Variants in LARGE1 observed in about 807,000 individuals in gnomAD.
LARGE1 encodes LARGE xylosyl- and glucuronyltransferase 1.
A neutral mutation model predicts 87.6 loss-of-function variants in LARGE1; 43 were observed. The ratio of observed to expected loss-of-function variants is 0.49; its 90% CI spans 0.38 to 0.63. LARGE1 has a LOEUF of 0.63. Among genes scored for constraint, LARGE1 ranks in the 30% least tolerant of loss-of-function variants. The probability of loss-of-function intolerance (pLI) is 0.00; values close to 1 mark genes in which losing one functional copy is unlikely to be tolerated. For synonymous variants in LARGE1, 434 were observed against 394.6 expected, an observed-to-expected ratio of 1.10 and a Z score of -1.18; for missense variants, 802 against 1,000.2, an observed-to-expected ratio of 0.80 and a Z score of 2.67.
intron 1 of LARGE1, among the ~76,000 whole-genome samples, chr22:33,792,836 C>T (rs1432321046): frequency 6.6e-6 from 1 of 152,206 alleles, no homozygotes; most frequent in Non-Finnish European, 1.5e-5. Flanking sequence ...AGAAAACAGA[C>T]CCCTTTCTCA....
intron 1 of LARGE1, among the ~76,000 whole-genome samples, chr22:33,841,049 T>A (rs115018251): frequency 6.6e-6 from 1 of 152,348 alleles, no homozygotes; most frequent in African/African-American, 2.4e-5. Context: ...TTAGGTTGCA[T>A]GATTTTGCCC....
exon 12 of LARGE1, chr22:33,166,462 T>C (rs897570160): frequency 3.3e-6 from 1 of 303,738 alleles, no homozygotes; most frequent in Non-Finnish European, 6.5e-6. Flanking sequence ...CACCTACCAC[T>C]TCAATCTTAC....
the LARGE1 span, among the ~76,000 whole-genome samples, chr22:33,138,158 C>T: frequency 2.0e-5 from 3 of 152,152 alleles, no homozygotes; most frequent in Non-Finnish European, 4.4e-5. Flanking sequence ...TGACCAAGAC[C>T]GTGGGAATCT....
intron 6 of LARGE1, among the ~76,000 whole-genome samples, chr22:33,527,133 C>G (rs564407108): frequency 6.6e-6 from 1 of 152,244 alleles, no homozygotes; most frequent in East Asian, 1.9e-4. Context: ...GCGCATGCCT[C>G]TAATCCCAGC....
chr22:33,179,236 T>TG (rs1923037541), intron 11 of LARGE1, among the ~76,000 whole-genome samples: 1 of 152,202 alleles, frequency 6.6e-6, no homozygotes, highest in African/African-American at 2.4e-5. Flanking sequence ...CATGCAGCTA[T>TG]GGGGGCAAAA....
intron 3 of LARGE1, among the ~76,000 whole-genome samples, chr22:33,639,445 A>G (rs1326656020): frequency 6.6e-6 from 1 of 152,236 alleles, no homozygotes; most frequent in Non-Finnish European, 1.5e-5. Flanking sequence ...TTTTTCAGGT[A>G]CCAGTGGAGA....
chr22:33,905,017 GAGAC>G (rs982670521), intron 1 of LARGE1, among the ~76,000 whole-genome samples: 189 of 148,530 alleles, frequency 1.3e-3, no homozygotes, highest in African/African-American at 4.5e-3. Context: ...TTCAGTATCT[GAGAC>G]AGAATAGTAC....
chr22:33,533,288 T>C (rs367788861), intron 6 of LARGE1, among the ~76,000 whole-genome samples: 2 of 152,206 alleles, frequency 1.3e-5, no homozygotes, highest in Admixed American at 1.3e-4. Flanking sequence ...GACAATTTTA[T>C]TAACGTCGTC....
intron 1 of LARGE1, among the ~76,000 whole-genome samples, chr22:33,904,746 T>G (rs35122921): frequency 0.26 from 39,836 of 151,900 alleles, 5,938 homozygotes; most frequent in East Asian, 0.46. Context: ...CTATAATTTG[T>G]ACCTGAAACA....
chr22:33,864,493 C>A (rs958973448), intron 1 of LARGE1, among the ~76,000 whole-genome samples: 1 of 152,154 alleles, frequency 6.6e-6, no homozygotes, highest in Admixed American at 6.6e-5. Context: ...TGGAGAGCGC[C>A]TAAGTCTTCT....
intron 9 of LARGE1, among the ~76,000 whole-genome samples, chr22:33,345,229 G>A (rs555459241): frequency 2.6e-5 from 4 of 152,264 alleles, no homozygotes; most frequent in South Asian, 4.2e-4. Flanking sequence ...TTACCTGTCA[G>A]ATGAGAAAAG....
chr22:33,772,944 A>G lies in LARGE1; in HGVS notation c.-82-11386T>C, dbSNP rs564418700. Among the ~76,000 whole-genome samples the G allele has an allele frequency of 2.0e-5, 3 of 152,270 alleles. No individual in the cohort carries two copies. The South Asian group carries it at 6.2e-4, about 32-fold the overall frequency. On this transcript the variant is annotated intron_variant, in intron 1 of 14. Transcript: ENST00000397394. ...TGCTCCAATAAACCCTTTTAAAACA[A>G]AGGTCCAGCAACTAGCTGTCTGACT...
chr22:33,201,328 AAGAGAGAGAGAAAGAAAGAGAGAGAAAG>A (rs1924373144), intron 11 of LARGE1, among the ~76,000 whole-genome samples: 1 of 143,536 alleles, frequency 7.0e-6, no homozygotes, highest in African/African-American at 2.7e-5. Context: ...GAAAGAGAGA[AAGAGAGAGAGAAAGAAAGAGAGAGAAAG>A]AGAGAGAGAG....
At chr22:33,883,734 C>T (rs2064765621) in intron 1 of LARGE1, among the ~76,000 whole-genome samples, 1 of 152,206 alleles carries the variant, frequency 6.6e-6, no homozygotes, top group South Asian at 2.1e-4. Flanking sequence ...CCCCAGAAAG[C>T]CCCATGACTC....
chr22:33,395,226 CAAAAA>C lies in LARGE1; in HGVS notation c.893-10927_893-10923del, dbSNP rs3071528. On this transcript the variant is annotated intron_variant, in intron 7 of 14. Coordinates refer to ENST00000397394, the MANE Select transcript of LARGE1 (RefSeq NM_133642.5). ...CCTGGGTGACGCAGCGACTCTGCCT[CAAAAA>C]AAAAAAAAAAAAAAAAGCCAGGAAA... Among the ~76,000 whole-genome samples, 5 of 61,630 alleles carry C rather than the reference CAAAAA, an allele frequency of 8.1e-5. No individual in the cohort carries two copies. In the South Asian group the frequency reaches 3.9e-3, roughly 48 times the overall value. The allele number at this position is 61,630 out of a possible 152,430, so 40.4% of individuals were successfully genotyped here. A position where few individuals can be genotyped will look rare whatever the true frequency, so the allele number is the denominator to read the frequency against.
chr22:33,832,350 T>A (rs141977263), intron 1 of LARGE1, among the ~76,000 whole-genome samples: 1 of 152,116 alleles, frequency 6.6e-6, no homozygotes, highest in African/African-American at 2.4e-5. Flanking sequence ...GAGCTCTGTC[T>A]AAAGAACAAG....
At chr22:33,582,868 G>A (rs918801258) in intron 5 of LARGE1, among the ~76,000 whole-genome samples, 6 of 152,174 alleles carry the variant, frequency 3.9e-5, no homozygotes, top group African/African-American at 1.4e-4. Context: ...AATTCCTTCT[G>A]CTAGATAGTA....
At chr22:33,718,040 G>T (rs1009505748) in intron 2 of LARGE1, among the ~76,000 whole-genome samples, 1 of 152,186 alleles carries the variant, frequency 6.6e-6, no homozygotes, top group Non-Finnish European at 1.5e-5. Context: ...TTTGAAGATA[G>T]GCTCAATCAC....
chr22:33,084,703 A>G, the LARGE1 span, among the ~76,000 whole-genome samples: 2 of 152,194 alleles, frequency 1.3e-5, no homozygotes, highest in Non-Finnish European at 2.9e-5. Flanking sequence ...CCACATATGT[A>G]ATTTTAAATT....
Sources: gnomAD v4.1 joint callset for allele counts (sites outside exome capture counted in the v4.1 genomes callset) on GRCh38, gnomAD v4.1.1 for gene constraint, MANE v1.5 for transcripts, NCBI Gene and HGNC (gene_info 2026-07-23, HGNC 2026-07-21) for gene names.